Variants in MROH1 observed in about 807,000 individuals in gnomAD.
MROH1 encodes maestro heat-like repeat-containing protein family member 1.
In MROH1, 117 loss-of-function variants were observed where a neutral mutation model predicts 116.5. The ratio of observed to expected loss-of-function variants is 1.00; its 90% confidence interval spans 0.86 to 1.17. The LOEUF is 1.17. MROH1 is among the 50% of genes most tolerant of loss of function. The pLI is 0.00. For missense variants in MROH1, 1,873 were observed against 1,338.5 expected, an observed-to-expected ratio of 1.40 and a Z score of -6.23; for synonymous variants, 921 against 583.9, an observed-to-expected ratio of 1.58 and a Z score of -8.32.
At position 144,245,399 on chromosome 8, in the gene MROH1, C is replaced by T. The variant is rs1841716110; in HGVS notation, c.2871+139C>T. On this transcript the variant is annotated intron_variant, in intron 29 of 43. Transcript: ENST00000326134. The stretch of plus-strand genomic sequence containing the variant: ...CTTCCTTGAGACCTGGATTGAGGGC[C>T]TGTCAGGGCCAGGAGTTGTCAGGGA... The T allele has an allele frequency of 4.6e-6, 3 of 652,848 alleles. No homozygotes were observed. The South Asian group carries it at 5.2e-5, about 11-fold the overall frequency. The allele number at this position is 652,848 out of a possible 1,614,324, so 40.4% of individuals were successfully genotyped here.
At chr8:144,186,001 C>T (rs570136932) in intron 7 of MROH1, among the ~76,000 whole-genome samples, 7 of 152,194 alleles carry the variant, frequency 4.6e-5, no homozygotes, top group South Asian at 2.1e-4. Flanking sequence ...AGCCCAGCAG[C>T]GAGTGCTCCA....
intron 14 of MROH1, among the ~76,000 whole-genome samples, chr8:144,227,454 G>A (rs1010498451): frequency 1.3e-5 from 2 of 151,842 alleles, no homozygotes; most frequent in African/African-American, 4.8e-5. Context: ...AAACCAGCCT[G>A]GACAATCTGG....
chr8:144,181,294 CCCGGTGATGGGGGAGGGG>C (rs1440923686), intron 7 of MROH1, among the ~76,000 whole-genome samples: 13 of 148,786 alleles, frequency 8.7e-5, no homozygotes, highest in Admixed American at 2.7e-4. Flanking sequence ...GGGGGAGGGG[CCCGGTGATGGGGGAGGGG>C]CCGGTGATGG....
chr8:144,218,428 T>TGGCCCCACTG (rs1161536886), intron 12 of MROH1, among the ~76,000 whole-genome samples: 1 of 152,002 alleles, frequency 6.6e-6, no homozygotes, highest in Non-Finnish European at 1.5e-5. Flanking sequence ...TGTGTCTCTC[T>TGGCCCCACTG]GGCCAGCGGG....
chr8:144,242,835 T>G (rs1841241474), intron 24 of MROH1, among the ~76,000 whole-genome samples: 1 of 152,144 alleles, frequency 6.6e-6, no homozygotes, highest in Non-Finnish European at 1.5e-5. Flanking sequence ...AAGGGAGGCG[T>G]CTGCGCCTCC....
chr8:144,198,616 C>T (rs986159476), intron 10 of MROH1, among the ~76,000 whole-genome samples: 1 of 151,604 alleles, frequency 6.6e-6, no homozygotes, highest in African/African-American at 2.4e-5. Context: ...ACCAATAAGA[C>T]TTTTTTTTTC....
At position 144,260,791 on chromosome 8, in the gene MROH1, C is replaced by G. The variant is rs1844895839; in HGVS notation, c.4495C>G (p.Leu1499Val). Residue 1499 changes from leucine (L) to valine (V), a missense_variant, in exon 40 of 44, where the codon CTG becomes GTG. Physicochemically the swap from Leu to Val is conservative, Grantham distance 32. Coordinates refer to ENST00000326134, the MANE Select transcript of MROH1 (RefSeq NM_032450.3). ...CCAGGTGGTGGGCGGGCTGGCGCCC[C>G]TGCTGCTGCACCTGCAGGACCCTCA... ...LDQVVGGLAP[L>V]LLHLQDPQAT... The G allele has an allele frequency of 1.3e-6, 1 of 778,150 alleles. No individual in the cohort carries two copies. The highest frequency in any genetic ancestry group is 1.3e-5 in the South Asian group (1 of 74,596). 48.2% of individuals were successfully genotyped at this position (778,150 alleles called of 1,614,324 possible).
Position 144,259,967 on chromosome 8 carries a change from C to T in MROH1, c.4101C>T (p.Ser1367=), listed in dbSNP as rs1554834782. 2.7e-6 allele frequency: 2 copies of T among 740,916 alleles called. No individual in the cohort carries two copies. The highest frequency in any genetic ancestry group is 3.7e-5 in the Admixed American group (2 of 53,666). 45.9% of individuals were successfully genotyped at this position (740,916 alleles called of 1,614,324 possible). ...DLMLLDSLLE[S]LAARQKDTCA... is the part of the protein sequence containing the mutation. ...TGCTCTTGGACTCGCTGCTGGAGAG[C>T]CTGGCGGCTCGCCAGAAGGACACAT... Residue 1367 remains serine, a synonymous_variant, in exon 38 of 44, where the codon AGC becomes AGT. Coordinates refer to ENST00000326134, the MANE Select transcript of MROH1 (RefSeq NM_032450.3).
intron 31 of MROH1, among the ~76,000 whole-genome samples, chr8:144,248,037 G>A (rs1477726743): frequency 1.3e-5 from 2 of 152,246 alleles, no homozygotes; most frequent in African/African-American, 2.4e-5. Flanking sequence ...AATCTTCAGC[G>A]GCTGCCCTGT....
intron 1 of MROH1, among the ~76,000 whole-genome samples, chr8:144,160,458 T>C (rs1819237024): frequency 6.6e-6 from 1 of 152,286 alleles, no homozygotes; most frequent in Non-Finnish European, 1.5e-5. Flanking sequence ...ACAAGGCATT[T>C]GTCTTAGTTT....
chr8:144,171,551 G>A (rs544144598), intron 4 of MROH1, among the ~76,000 whole-genome samples: 7 of 152,272 alleles, frequency 4.6e-5, no homozygotes, highest in African/African-American at 1.2e-4. Context: ...GCCATATACC[G>A]GTTAAACACC....
intron 7 of MROH1, among the ~76,000 whole-genome samples, chr8:144,184,945 C>T (rs1826577827): frequency 6.6e-6 from 1 of 152,180 alleles, no homozygotes; most frequent in Admixed American, 6.5e-5. Flanking sequence ...AGTCCCCACC[C>T]CCTGCACTGG....
At position 144,148,061 on chromosome 8, in the gene MROH1, G is replaced by A. The variant is rs1775176138; in HGVS notation, c.-192G>A. ...GGGAAGGCGGCGCCCCGGCCGAGGT[G>A]GCGGCGGCTCCTCAGGTAAACGGCG... On this transcript the variant is annotated 5_prime_UTR_variant, in exon 1 of 44. Transcript: ENST00000326134. 6.6e-6 allele frequency: 1 copy of A among 152,318 alleles called. No homozygotes were observed. The highest frequency in any genetic ancestry group is 1.5e-5 in the Non-Finnish European group (1 of 68,144). 9.4% of individuals were successfully genotyped at this position (152,318 alleles called of 1,614,324 possible).
chr8:144,149,647 G>T (rs1438639246), intron 1 of MROH1, among the ~76,000 whole-genome samples: 6 of 152,158 alleles, frequency 3.9e-5, no homozygotes, highest in African/African-American at 1.4e-4. Flanking sequence ...TCCTCTGTCT[G>T]TGCCGGTCCA....
chr8:144,164,682 G>A (rs1396614422), intron 3 of MROH1, among the ~76,000 whole-genome samples: 1 of 152,052 alleles, frequency 6.6e-6, no homozygotes, highest in Non-Finnish European at 1.5e-5. Flanking sequence ...ATAGGCATGA[G>A]CCACTGCGCC....
At position 144,258,806 on chromosome 8, in the gene MROH1, T is replaced by C; in HGVS notation, c.3821T>C (p.Leu1274Pro). 1.3e-6 allele frequency: 1 copy of C among 769,452 alleles called. No homozygotes were observed. Among genetic ancestry groups the C allele is most frequent in the Non-Finnish European group, 2.4e-6 (1 of 414,534 alleles). 47.7% of individuals were successfully genotyped at this position (769,452 alleles called of 1,614,324 possible). A position where few individuals can be genotyped will look rare whatever the true frequency, so the allele number is the denominator to read the frequency against. The change falls in exon 36 of 44, where the codon CTA (leucine) becomes CCA (proline). Residue 1274 changes from leucine (L) to proline (P), a missense_variant. Physicochemically the swap from Leu to Pro is moderately conservative, Grantham distance 98. Coordinates refer to ENST00000326134, the MANE Select transcript of MROH1 (RefSeq NM_032450.3). ...SSAVDTLRSM[L>P]LRSGSEDVVQ... ...GCAGTGGACACCCTGCGGTCCATGC[T>C]ACTCCGCAGCGGCAGCGAGGATGTG... is the stretch of plus-strand genomic sequence containing the variant.
At chr8:144,249,580 G>C (rs1842495502) in intron 32 of MROH1, among the ~76,000 whole-genome samples, 1 of 152,210 alleles carries the variant, frequency 6.6e-6, no homozygotes, top group African/African-American at 2.4e-5. Context: ...TGAGGCTCAT[G>C]CTATGCTGCT....
intron 14 of MROH1, among the ~76,000 whole-genome samples, chr8:144,223,612 G>A (rs1369807788): frequency 6.6e-6 from 1 of 152,208 alleles, no homozygotes; most frequent in African/African-American, 2.4e-5. Context: ...AGCAGGAAAT[G>A]GAGAGTTTGT....
At chr8:144,249,363 C>G (rs2133128345) in intron 32 of MROH1, among the ~76,000 whole-genome samples, 1 of 152,290 alleles carries the variant, frequency 6.6e-6, no homozygotes, top group East Asian at 1.9e-4. Flanking sequence ...TTTCCCTTAG[C>G]CCACAGGGTG....
Sources: allele counts gnomAD v4.1 joint callset (sites outside exome capture counted in the v4.1 genomes callset), GRCh38; gene constraint gnomAD v4.1.1; transcripts MANE v1.5; gene names NCBI Gene and HGNC (gene_info 2026-07-23, HGNC 2026-07-21).